Variants in FHIT observed in about 807,000 individuals in gnomAD.
FHIT encodes the protein fragile histidine triad diadenosine triphosphatase.
FHIT carries 19 observed loss-of-function variants against 17.9 expected under a neutral mutation model. The observed-to-expected ratio is 1.06, with a 90% CI of 0.74 to 1.56. The LOEUF (loss-of-function observed/expected upper bound fraction) is 1.56. FHIT is among the 40% of genes most tolerant of loss of function. The pLI, the probability that FHIT is intolerant of heterozygous loss-of-function variation, is 0.00. For synonymous variants in FHIT, 81 were observed against 69.7 expected, an observed-to-expected ratio of 1.16 and a Z score of -0.81; for missense variants, 248 against 189.2, an observed-to-expected ratio of 1.31 and a Z score of -1.82.
intron 5 of FHIT, among the ~76,000 whole-genome samples, chr3:60,471,377 A>G (rs989653229): frequency 1.3e-5 from 2 of 152,208 alleles, no homozygotes; most frequent in Non-Finnish European, 2.9e-5. Flanking sequence ...GCCGGAACTC[A>G]GGTTCTGACC....
At chr3:60,449,702 A>G (rs573300108) in intron 5 of FHIT, among the ~76,000 whole-genome samples, 2 of 152,202 alleles carry the variant, frequency 1.3e-5, no homozygotes, top group Admixed American at 6.6e-5. Flanking sequence ...AAAAGATACT[A>G]TAAAAATATG....
intron 4 of FHIT, among the ~76,000 whole-genome samples, chr3:60,594,378 A>G (rs1576940636): frequency 6.6e-6 from 1 of 152,116 alleles, no homozygotes; most frequent in South Asian, 2.1e-4. Context: ...ACACTGACCC[A>G]CCACCTGCAG....
intron 5 of FHIT, among the ~76,000 whole-genome samples, chr3:60,251,511 T>C (rs1434748868): frequency 2.0e-5 from 3 of 152,184 alleles, no homozygotes; most frequent in Admixed American, 2.0e-4. Context: ...AAACTAAAAT[T>C]TGAAAACCTC....
At chr3:60,404,706 T>C (rs1170133921) in intron 5 of FHIT, among the ~76,000 whole-genome samples, 1 of 152,208 alleles carries the variant, frequency 6.6e-6, no homozygotes, top group African/African-American at 2.4e-5. Context: ...ATAGGAACAC[T>C]GAAAGAATAG....
chr3:60,684,421 G>T (rs1389347447), intron 4 of FHIT, among the ~76,000 whole-genome samples: 1 of 152,100 alleles, frequency 6.6e-6, no homozygotes, highest in African/African-American at 2.4e-5. Flanking sequence ...ACTCACCGAA[G>T]GCCACATAGC....
At chr3:60,738,612 C>T (rs2042179746) in intron 4 of FHIT, among the ~76,000 whole-genome samples, 1 of 152,220 alleles carries the variant, frequency 6.6e-6, no homozygotes, top group Admixed American at 6.5e-5. Flanking sequence ...ATCCCTGAGA[C>T]ATTGGTTCAA....
At chr3:60,131,239 T>C (rs1197967677) in intron 5 of FHIT, among the ~76,000 whole-genome samples, 2 of 151,924 alleles carry the variant, frequency 1.3e-5, no homozygotes, top group African/African-American at 2.4e-5. Context: ...CTTTAAATCA[T>C]CTCTAGATTA....
At chr3:59,940,439 C>T (rs1157390074) in intron 7 of FHIT, among the ~76,000 whole-genome samples, 1 of 152,152 alleles carries the variant, frequency 6.6e-6, no homozygotes, top group East Asian at 1.9e-4. Flanking sequence ...AAGAACCATT[C>T]TCCTAAAAAC....
At chr3:60,546,152 C>T (rs1312108195) in intron 4 of FHIT, among the ~76,000 whole-genome samples, 2 of 152,064 alleles carry the variant, frequency 1.3e-5, no homozygotes, top group Non-Finnish European at 2.9e-5. Context: ...ATTAAAGAAT[C>T]TGCTGGATAA....
At chr3:61,166,287 A>G (rs1313001246) in intron 2 of FHIT, among the ~76,000 whole-genome samples, 1 of 152,214 alleles carries the variant, frequency 6.6e-6, no homozygotes, top group Non-Finnish European at 1.5e-5. Flanking sequence ...TCACATTGCC[A>G]GTCCTCACAG....
At chr3:60,233,167 T>A (rs1464832854) in intron 5 of FHIT, among the ~76,000 whole-genome samples, 1 of 152,186 alleles carries the variant, frequency 6.6e-6, no homozygotes, top group East Asian at 1.9e-4. Context: ...AACATTTTTA[T>A]AATAAAAAAC....
At chr3:59,943,423 T>C (rs1559485378) in intron 7 of FHIT, among the ~76,000 whole-genome samples, 1 of 152,154 alleles carries the variant, frequency 6.6e-6, no homozygotes, top group Non-Finnish European at 1.5e-5. Flanking sequence ...AAGAAGAACA[T>C]GAATACCTGC....
chr3:60,625,597 T>C (rs1191406543), intron 4 of FHIT, among the ~76,000 whole-genome samples: 2 of 152,236 alleles, frequency 1.3e-5, no homozygotes, highest in African/African-American at 4.8e-5. Context: ...TATCCATTTT[T>C]TAAATTGGGT....
chr3:60,472,822 A>G (rs1011217452), intron 5 of FHIT, among the ~76,000 whole-genome samples: 8 of 152,184 alleles, frequency 5.3e-5, no homozygotes, highest in Non-Finnish European at 1.0e-4. Context: ...AAAGACATCT[A>G]AGCAAAACCA....
chr3:60,140,512 CA>C (rs1699995897), intron 5 of FHIT, among the ~76,000 whole-genome samples: 2 of 151,014 alleles, frequency 1.3e-5, no homozygotes, highest in South Asian at 4.2e-4. Context: ...CCACATGAGA[CA>C]AGGTGTCCAA....
intron 5 of FHIT, among the ~76,000 whole-genome samples, chr3:60,067,212 G>C (rs1402337853): frequency 1.3e-5 from 2 of 152,044 alleles, no homozygotes; most frequent in African/African-American, 4.8e-5. Flanking sequence ...TATATTAGGG[G>C]AAATATCTAA....
chr3:60,876,283 T>C (rs1704649977), intron 3 of FHIT, among the ~76,000 whole-genome samples: 3 of 152,194 alleles, frequency 2.0e-5, no homozygotes, highest in African/African-American at 7.2e-5. Context: ...GTATTTGTGA[T>C]GTTTAAGAGG....
intron 4 of FHIT, among the ~76,000 whole-genome samples, chr3:60,787,170 TAAAG>T (rs1428513023): frequency 2.0e-5 from 3 of 152,164 alleles, no homozygotes; most frequent in African/African-American, 7.2e-5. Context: ...CATGTGGGTA[TAAAG>T]AGAAATTTTT....
chr3:60,041,819 G>A (rs998736017), intron 5 of FHIT, among the ~76,000 whole-genome samples: 1 of 151,982 alleles, frequency 6.6e-6, no homozygotes, highest in East Asian at 1.9e-4. Context: ...TCAAGAGAAG[G>A]GCAGATTAGG....
Sources: allele counts gnomAD v4.1 joint callset (sites outside exome capture counted in the v4.1 genomes callset), GRCh38; gene constraint gnomAD v4.1.1; transcripts MANE v1.5; gene names NCBI Gene and HGNC (gene_info 2026-07-23, HGNC 2026-07-21).